MED12L: variants seen among roughly 807,000 people sequenced by gnomAD.
MED12L encodes the protein mediator of RNA polymerase II transcription subunit 12-like protein.
MED12L carries 60 observed loss-of-function variants against 281.3 expected under a neutral mutation model. The observed-to-expected ratio is 0.21, with a 90% confidence interval of 0.17 to 0.26. The LOEUF (loss-of-function observed/expected upper bound fraction) is 0.26, where lower values mean the gene tolerates loss of function less well. Among genes scored for constraint, MED12L ranks in the 10% least tolerant of loss-of-function variants. The pLI is 1.00. For synonymous variants in MED12L, 974 were observed against 987.2 expected (o/e 0.99, Z 0.25); for missense variants, 2,146 against 2,680.9 (o/e 0.80, Z 4.41).
At chr3:151,380,027 A>G in intron 31 of MED12L, 86 bp from the exon 32 acceptor site, 2 of 817,304 alleles carry the variant, frequency 2.4e-6, no homozygotes, top group Non-Finnish European at 3.9e-6. Flanking sequence ...TATTTATCTA[A>G]TAGTGAGGCA....
intron 16 of MED12L, among the ~76,000 whole-genome samples, chr3:151,202,885 G>A (rs34938682): frequency 7.8e-4 from 119 of 152,230 alleles, no homozygotes; most frequent in Admixed American, 1.8e-3. Flanking sequence ...TCAGTCTGGT[G>A]TCAATTATCC....
intron 5 of MED12L, among the ~76,000 whole-genome samples, chr3:151,152,134 C>T (rs532731581): frequency 2.7e-5 from 3 of 110,318 alleles, no homozygotes; most frequent in South Asian, 6.6e-4. Context: ...GGGTCTCACT[C>T]GGTTGCCCAG....
In MED12L at chr3:151,294,401, C is replaced by T. The variant is rs767931824; in HGVS notation, c.2251-55658C>T. 9.9e-6 allele frequency: 16 copies of T among 1,613,940 alleles called. No individual in the cohort carries two copies. The South Asian group carries it at 1.3e-4, about 13-fold the overall frequency. On this transcript the variant is annotated intron_variant, in intron 16 of 44. Coordinates refer to ENST00000687756, the MANE Select transcript of MED12L (RefSeq NM_001393769.1). Reference sequence around the variant, plus strand: ...TTTTTGTGCAGATTCATCTAAAAGCCTGTCTAAGTGACTAAAAGTAAAAGG... The same window carrying T: ...TTTTTGTGCAGATTCATCTAAAAGCTTGTCTAAGTGACTAAAAGTAAAAGG...
At chr3:151,233,755 C>G (rs1732187253) in intron 16 of MED12L, among the ~76,000 whole-genome samples, 1 of 152,118 alleles carries the variant, frequency 6.6e-6, no homozygotes, top group Non-Finnish European at 1.5e-5. Context: ...AACAAAAACA[C>G]AGCACCGACT....
At chr3:151,405,904 G>A (rs559379297) in intron 39 of MED12L, among the ~76,000 whole-genome samples, 2 of 152,330 alleles carry the variant, frequency 1.3e-5, no homozygotes, top group South Asian at 4.2e-4. Flanking sequence ...TAAAGTAATT[G>A]ATGCTCAAAC....
chr3:151,153,569 T>C (rs1046348364), intron 5 of MED12L, among the ~76,000 whole-genome samples: 14 of 139,942 alleles, frequency 1.0e-4, no homozygotes, highest in South Asian at 2.4e-4. Flanking sequence ...TCTTTCTTTT[T>C]TTTTTTTTTT....
rs529595664 is a variant in MED12L at position 151,172,916 on chromosome 3, T to C, written c.1494+6934T>C. Among the ~76,000 whole-genome samples, 9 of 152,342 alleles carry C rather than the reference T, an allele frequency of 5.9e-5. 1 individual carries two copies. In the East Asian group the frequency reaches 1.7e-3, roughly 29 times the overall value. On this transcript the variant is annotated intron_variant, in intron 11 of 44. Coordinates refer to ENST00000687756, the MANE Select transcript of MED12L (RefSeq NM_001393769.1). ...TTTACAACTAGTATTTTCTTATTTT[T>C]TGAAATAATGTGTTAGTAAAAGTTT...
chr3:151,108,249 G>A, intron 2 of MED12L, among the ~76,000 whole-genome samples: 1 of 147,686 alleles, frequency 6.8e-6, no homozygotes, highest in East Asian at 2.0e-4. Context: ...TGAGGGGCAG[G>A]TGGTGGGTGG....
chr3:151,376,225 T>C lies in MED12L; in HGVS notation c.4053+11T>C. 3.5e-6 allele frequency: 5 copies of C among 1,446,370 alleles called. No homozygotes were observed. The highest frequency in any genetic ancestry group is 4.6e-6 in the Non-Finnish European group (5 of 1,094,140). The allele number at this position is 1,446,370 out of a possible 1,614,324, so 89.6% of individuals were successfully genotyped here. Reference sequence around the variant, plus strand: ...AAGCGTATTCTTCAGGTCAGTCGTATACAGATTGTGTTTCTGTCATTTGAT... The same window carrying C: ...AAGCGTATTCTTCAGGTCAGTCGTACACAGATTGTGTTTCTGTCATTTGAT... On this transcript the variant is annotated intron_variant, in intron 28 of 44. Transcript: ENST00000687756.
In MED12L at chr3:151,435,882, G is replaced by GAAAT. The variant is rs1416372438; in HGVS notation, c.*3079_*3082dup. The stretch of plus-strand genomic sequence containing the variant: ...TTTTCCCATCCCATAAAGAATTAAT[G>GAAAT]AAATGAAATGCTTATAGAGCAACGA... On this transcript the variant is annotated 3_prime_UTR_variant, in exon 45 of 45. Transcript: ENST00000687756. 6.6e-6 allele frequency: 1 copy of GAAAT among 151,814 alleles called. No individual in the cohort carries two copies. Among genetic ancestry groups the GAAAT allele is most frequent in the East Asian group, 1.9e-4 (1 of 5,198 alleles). 9.4% of individuals were successfully genotyped at this position (151,814 alleles called of 1,614,324 possible). A position where few individuals can be genotyped will look rare whatever the true frequency, so the allele number is the denominator to read the frequency against.
At chr3:151,105,950 G>T (rs1355462242) in intron 2 of MED12L, among the ~76,000 whole-genome samples, 1 of 152,170 alleles carries the variant, frequency 6.6e-6, no homozygotes, top group African/African-American at 2.4e-5. Flanking sequence ...TGACAACCTT[G>T]CTGTTTGTCA....
intron 16 of MED12L, among the ~76,000 whole-genome samples, chr3:151,287,793 T>C (rs1041692064): frequency 8.5e-5 from 13 of 152,344 alleles, no homozygotes; most frequent in Non-Finnish European, 1.8e-4. Context: ...ACTTGCCTCT[T>C]TAGGGATTTC....
At chr3:151,126,025 T>C (rs1714461590) in intron 4 of MED12L, among the ~76,000 whole-genome samples, 1 of 151,448 alleles carries the variant, frequency 6.6e-6, no homozygotes, top group African/African-American at 2.4e-5. Flanking sequence ...CCATAAAATA[T>C]GTATGTGGAT....
intron 5 of MED12L, among the ~76,000 whole-genome samples, chr3:151,138,072 T>C (rs1560084447): frequency 6.6e-6 from 1 of 152,204 alleles, no homozygotes; most frequent in East Asian, 1.9e-4. Context: ...TTTTTAATCT[T>C]CCAGTTTTTA....
intron 16 of MED12L, chr3:151,199,443 T>A: frequency 6.9e-7 from 1 of 1,459,422 alleles, no homozygotes. Flanking sequence ...TAAGACTCTG[T>A]AAAAGAAACA....
At position 151,096,644 on chromosome 3, in the gene MED12L, G is replaced by A. The variant is rs139321511; in HGVS notation, c.99+9619G>A. Among the ~76,000 whole-genome samples, 799 of 152,264 alleles carry A rather than the reference G, an allele frequency of 5.2e-3. 10 individuals are homozygous for A. Among genetic ancestry groups the A allele is most frequent in the African/African-American group, 0.018 (766 of 41,558 alleles). On this transcript the variant is annotated intron_variant, in intron 2 of 44. Coordinates refer to ENST00000687756, the MANE Select transcript of MED12L (RefSeq NM_001393769.1). ...TTTGCTGAGAGAGGGAGATTCTGTA[G>A]GTCTGCTATTTTGGGGGGGGAAGCC...
At position 151,206,642 on chromosome 3, in the gene MED12L, C is replaced by CTTTTTTTTTTTTTTTTTT. The variant is rs747558778; in HGVS notation, c.2250+12979_2250+12996dup. Among the ~76,000 whole-genome samples, 5 of 70,326 alleles carry CTTTTTTTTTTTTTTTTTT rather than the reference C, an allele frequency of 7.1e-5. 1 individual carries two copies. Among genetic ancestry groups the CTTTTTTTTTTTTTTTTTT allele is most frequent in the African/African-American group, 3.0e-4 (5 of 16,684 alleles). 46.1% of individuals were successfully genotyped at this position (70,326 alleles called of 152,430 possible). ...TATGAACTTATGACTAACACATTAT[C>CTTTTTTTTTTTTTTTTTT]TTTTTTTTTTTTTTTTTTTTGAGAC... On this transcript the variant is annotated intron_variant, in intron 16 of 44. Transcript: ENST00000687756.
chr3:151,318,179 T>C (rs527548056), intron 16 of MED12L, among the ~76,000 whole-genome samples: 2 of 152,126 alleles, frequency 1.3e-5, no homozygotes, highest in Non-Finnish European at 2.9e-5. Flanking sequence ...TTAAGTATGT[T>C]ACGGAAAAGT....
chr3:151,122,959 T>C lies in MED12L; in HGVS notation c.381T>C (p.Ser127=), dbSNP rs1424803698. ...ACTTAGCAGGAAATAAGCCACTTTC[T>C]ATTTTGGCAAAAAAGGTATCAAATA... The part of the protein sequence containing the change: ...FSDLAGNKPL[S]ILAKKVPILS... Residue 127 remains serine, a synonymous_variant, in exon 4 of 45, where the codon TCT becomes TCC. Coordinates refer to ENST00000687756, the MANE Select transcript of MED12L (RefSeq NM_001393769.1). 15 of 1,603,052 alleles carry C rather than the reference T, an allele frequency of 9.4e-6. No homozygotes were observed. Among genetic ancestry groups the C allele is most frequent in the Non-Finnish European group, 1.3e-5 (15 of 1,175,864 alleles).
Sources: gnomAD v4.1 joint callset for allele counts (sites outside exome capture counted in the v4.1 genomes callset) on GRCh38, gnomAD v4.1.1 for gene constraint, MANE v1.5 for transcripts, NCBI Gene and HGNC (gene_info 2026-07-23, HGNC 2026-07-21) for gene names.